Variants in IFNAR2 observed in about 807,000 individuals in gnomAD.
The protein encoded by IFNAR2 is interferon alpha/beta receptor 2.
In IFNAR2, 30 loss-of-function variants were observed where a neutral mutation model predicts 49.4. The observed-to-expected ratio is 0.61, with a 90% confidence interval of 0.45 to 0.82. IFNAR2 has a LOEUF of 0.82. IFNAR2 is among the 40% of genes least tolerant of loss of function. The pLI, the probability that IFNAR2 is intolerant of heterozygous loss-of-function variation, is 0.00. For missense variants in IFNAR2, 600 were observed against 622.7 expected (o/e 0.96, Z 0.39); for synonymous variants, 224 against 234.5 (o/e 0.96, Z 0.41).
chr21:33,239,652 T>C (rs1255343773), intron 1 of IFNAR2, among the ~76,000 whole-genome samples: 4 of 142,038 alleles, frequency 2.8e-5, no homozygotes, highest in Non-Finnish European at 6.1e-5. Flanking sequence ...GAGCTACAGC[T>C]CTCAATGTTG....
In IFNAR2 at chr21:33,248,703, G is replaced by T; in HGVS notation, c.395-6G>T. On this transcript the variant is annotated splice_polypyrimidine_tract_variant and splice_region_variant and intron_variant, in intron 5 of 8. Transcript: ENST00000342136. ...ATATTCCTGTCTGTTTTTGTTTTTT[G>T]CACAGTGTCTTTTGAACCACCAGAG... 6.3e-7 allele frequency: 1 copy of T among 1,590,622 alleles called. No homozygotes were observed.
intron 4 of IFNAR2, among the ~76,000 whole-genome samples, chr21:33,245,721 C>T (rs17860257): frequency 0.012 from 1,788 of 152,318 alleles, 30 homozygotes; most frequent in Non-Finnish European, 0.014. Context: ...CCAGCAGCCC[C>T]TTGGAGTGTC....
At chr21:33,231,537 T>C (rs1983631179) in intron 1 of IFNAR2, among the ~76,000 whole-genome samples, 3 of 152,220 alleles carry the variant, frequency 2.0e-5, no homozygotes, top group Admixed American at 2.0e-4. Context: ...CAAAAAGTAG[T>C]ATGAAAAGGA....
rs1324760071 is a variant in IFNAR2, at chr21:33,230,504, C to G, written c.-84+288C>G. On this transcript the variant is annotated intron_variant, in intron 1 of 8. Coordinates refer to ENST00000342136, the MANE Select transcript of IFNAR2 (RefSeq NM_001289125.3). This position sits in a 1 kb window ranked among gnomAD's most constrained non-coding sequence, Gnocchi z 5.5. ...CGCTTTCGTTGCACCCCTCCGCGTC[C>G]CACCCCACCCCACCAAGGATGCCCA... The G allele has an allele frequency of 4.3e-6, 2 of 470,182 alleles. No homozygotes were observed. Among genetic ancestry groups the G allele is most frequent in the South Asian group, 3.1e-5 (2 of 64,428 alleles). 29.1% of individuals were successfully genotyped at this position (470,182 alleles called of 1,614,324 possible). A position where few individuals can be genotyped will look rare whatever the true frequency, so the allele number is the denominator to read the frequency against.
intron 7 of IFNAR2, among the ~76,000 whole-genome samples, chr21:33,258,283 C>G (rs1166944333): frequency 6.6e-6 from 1 of 152,098 alleles, no homozygotes; most frequent in African/African-American, 2.4e-5. Flanking sequence ...CCAGCCTGAG[C>G]TACAGAGCAA....
chr21:33,251,947 G>T (rs1987868443), intron 6 of IFNAR2: 1 of 166,650 alleles, frequency 6.0e-6, no homozygotes, highest in African/African-American at 2.4e-5. Context: ...GCCAGGCATG[G>T]TGGCGGGCAT....
intron 1 of IFNAR2, among the ~76,000 whole-genome samples, chr21:33,235,722 C>G (rs1351285714): frequency 6.6e-6 from 1 of 152,076 alleles, no homozygotes; most frequent in Non-Finnish European, 1.5e-5. Flanking sequence ...GTCAGGAGAT[C>G]GAGACCATCC....
intron 6 of IFNAR2, among the ~76,000 whole-genome samples, chr21:33,249,516 C>T (rs1002984915): frequency 3.3e-5 from 5 of 152,108 alleles, no homozygotes; most frequent in Admixed American, 2.0e-4. Context: ...CTGTCGCTGC[C>T]TCTCTGGCCC....
intron 7 of IFNAR2, among the ~76,000 whole-genome samples, chr21:33,259,076 G>A (rs1159108703): frequency 6.6e-6 from 1 of 152,090 alleles, no homozygotes; most frequent in Non-Finnish European, 1.5e-5. Flanking sequence ...ATTGTGATCA[G>A]ATATTACCAA....
intron 7 of IFNAR2, among the ~76,000 whole-genome samples, chr21:33,258,719 C>T (rs1255907674): frequency 1.3e-5 from 2 of 152,122 alleles, no homozygotes; most frequent in Admixed American, 1.3e-4. Flanking sequence ...ATGCCTGGCA[C>T]GGCACGGCAG....
intron 5 of IFNAR2, among the ~76,000 whole-genome samples, chr21:33,248,014 TAAAG>T (rs1327735349): frequency 6.6e-6 from 1 of 152,224 alleles, no homozygotes; most frequent in Non-Finnish European, 1.5e-5. Context: ...TTTGGGTTGT[TAAAG>T]AATGCATATT....
chr21:33,245,591 C>G (rs1229812071), intron 4 of IFNAR2, among the ~76,000 whole-genome samples: 3 of 152,204 alleles, frequency 2.0e-5, no homozygotes, highest in Non-Finnish European at 2.9e-5. Context: ...GGACCTCAGC[C>G]CCTAAGCTAA....
intron 1 of IFNAR2, among the ~76,000 whole-genome samples, chr21:33,232,780 A>T (rs764456467): frequency 1.3e-5 from 2 of 152,176 alleles, no homozygotes; most frequent in Non-Finnish European, 2.9e-5. Flanking sequence ...CTGGGCACCA[A>T]CCTTCTGGGC....
chr21:33,242,444 C>G (rs769538586), intron 2 of IFNAR2, among the ~76,000 whole-genome samples: 30 of 152,044 alleles, frequency 2.0e-4, no homozygotes, highest in Non-Finnish European at 4.1e-4. Flanking sequence ...TTAAAGATCT[C>G]GTGTGTGTCC....
chr21:33,241,199 A>T (rs576102204), intron 1 of IFNAR2, among the ~76,000 whole-genome samples: 9 of 152,332 alleles, frequency 5.9e-5, no homozygotes, highest in South Asian at 2.1e-4. Context: ...TTATTTTTTT[A>T]AAAAGCGTGT....
At chr21:33,251,009 G>A (rs1430696760) in intron 6 of IFNAR2, among the ~76,000 whole-genome samples, 1 of 152,198 alleles carries the variant, frequency 6.6e-6, no homozygotes, top group Non-Finnish European at 1.5e-5. Flanking sequence ...AGCTGGATGT[G>A]CCAGTCTGTT....
intron 2 of IFNAR2, among the ~76,000 whole-genome samples, 169 bp from the exon 3 acceptor site, chr21:33,243,504 T>A (rs955685878): frequency 6.6e-6 from 1 of 152,336 alleles, no homozygotes; most frequent in African/African-American, 2.4e-5. Context: ...CATGTGCTGC[T>A]GGCACCAATG....
chr21:33,238,389 ATT>A (rs1986643363), intron 1 of IFNAR2, among the ~76,000 whole-genome samples: 1 of 152,078 alleles, frequency 6.6e-6, no homozygotes, highest in Admixed American at 6.5e-5. Flanking sequence ...CAAGTCTGCG[ATT>A]TCATGGTCTT....
chr21:33,247,254 C>CTTTTTTTCTTTTT (rs1987503699), intron 5 of IFNAR2, among the ~76,000 whole-genome samples: 1 of 91,574 alleles, frequency 1.1e-5, no homozygotes, highest in African/African-American at 4.2e-5. Flanking sequence ...TTCTTTCTTT[C>CTTTTTTTCTTTTT]TTTTTTTTTT....
Sources: gnomAD v4.1 joint callset for allele counts (sites outside exome capture counted in the v4.1 genomes callset) on GRCh38, gnomAD v4.1.1 for gene constraint, Gnocchi (gnomAD v3.1) non-coding constraint, MANE v1.5 for transcripts, NCBI Gene and HGNC (gene_info 2026-07-23, HGNC 2026-07-21) for gene names.